ACTN4: variants seen among roughly 807,000 people sequenced by gnomAD.
ACTN4 encodes alpha-actinin-4.
ACTN4 carries 18 observed loss-of-function variants against 114.2 expected under a neutral mutation model. The observed-to-expected ratio is 0.16, with a 90% confidence interval of 0.11 to 0.23. The LOEUF (loss-of-function observed/expected upper bound fraction) is 0.23. ACTN4 is among the 10% of genes least tolerant of loss of function. The pLI is 1.00. For missense variants in ACTN4, 722 were observed against 1,262.9 expected (o/e 0.57, Z 6.49); for synonymous variants, 515 against 506.3 (o/e 1.02, Z -0.23).
intron 1 of ACTN4, among the ~76,000 whole-genome samples, chr19:38,688,411 A>C (rs1446561790): frequency 2.7e-5 from 4 of 148,592 alleles, no homozygotes; most frequent in African/African-American, 5.0e-5. Flanking sequence ...AAAAAAAAAA[A>C]CCCACAAAAA....
rs928104830 is a variant in ACTN4 at position 38,728,093 on chromosome 19, T to C, written c.2418+67T>C. On this transcript the variant is annotated intron_variant, in intron 19 of 20. Coordinates refer to ENST00000252699, the MANE Select transcript of ACTN4 (RefSeq NM_004924.6). ...TCTCTCTCTCTCTCTCCTTCTCTCT[T>C]TCTCCCCTCGCCATCCCACCCCTGC... The C allele has an allele frequency of 7.2e-6, 11 of 1,533,988 alleles. 1 individual carries two copies. The South Asian group carries it at 1.2e-4, about 17-fold the overall frequency.
intron 1 of ACTN4, among the ~76,000 whole-genome samples, chr19:38,649,569 A>G (rs1976497407): frequency 6.6e-6 from 1 of 152,128 alleles, no homozygotes; most frequent in African/African-American, 2.4e-5. Context: ...CCCTGCGGTG[A>G]TTCTGTTAAT....
In ACTN4 at chr19:38,731,538, G is replaced by A. The variant is rs1052800418; in HGVS notation, c.*2106G>A. ...CTGTGGGGCTTTCTCCTTGCCAGTG[G>A]GCACTGGAGGATATTTCTGTGCAGC... On this transcript the variant is annotated 3_prime_UTR_variant, in exon 21 of 21. Coordinates refer to ENST00000252699, the MANE Select transcript of ACTN4 (RefSeq NM_004924.6). 1.7e-5 allele frequency: 7 copies of A among 420,016 alleles called. No homozygotes were observed. The highest frequency in any genetic ancestry group is 3.1e-5 in the Non-Finnish European group (7 of 225,306). 26.0% of individuals were successfully genotyped at this position (420,016 alleles called of 1,614,324 possible).
intron 1 of ACTN4, among the ~76,000 whole-genome samples, chr19:38,660,470 A>G (rs1193695807): frequency 6.6e-6 from 1 of 150,850 alleles, no homozygotes; most frequent in African/African-American, 2.4e-5. Flanking sequence ...TTCTTGGCTC[A>G]CTGCAACCTC....
At chr19:38,721,852 T>C (rs2145082828) in intron 12 of ACTN4, 164 bp downstream of exon 12, 1 of 1,020,952 alleles carries the variant, frequency 9.8e-7, no homozygotes, top group East Asian at 2.6e-5. Context: ...CCTTATGGGA[T>C]GAGGCCTTTT....
In ACTN4 at chr19:38,725,608, C is replaced by T. The variant is rs376807963; in HGVS notation, c.2011-116C>T. On this transcript the variant is annotated intron_variant, in intron 16 of 20. Coordinates refer to ENST00000252699, the MANE Select transcript of ACTN4 (RefSeq NM_004924.6). ...TCCCAGGGACCCATGGGCCAAGGCC[C>T]CAGGCCAAAGGGGCCCCGGGGAAGA... 1.5e-3 allele frequency: 1,886 copies of T among 1,244,516 alleles called. 30 individuals carry two copies. In the South Asian group the frequency reaches 0.02, roughly 13 times the overall value. 77.1% of individuals were successfully genotyped at this position (1,244,516 alleles called of 1,614,324 possible). A position where few individuals can be genotyped will look rare whatever the true frequency, so the allele number is the denominator to read the frequency against.
chr19:38,681,694 G>C (rs116171661), intron 1 of ACTN4, among the ~76,000 whole-genome samples: 198 of 152,270 alleles, frequency 1.3e-3, no homozygotes, highest in African/African-American at 4.6e-3. Flanking sequence ...CTCTCTGACC[G>C]AGCTGTGCAC....
chr19:38,664,713 C>T (rs767034962), intron 1 of ACTN4, among the ~76,000 whole-genome samples: 9 of 152,158 alleles, frequency 5.9e-5, no homozygotes, highest in Non-Finnish European at 1.2e-4. Flanking sequence ...TTAGCACAGC[C>T]GGTTCCTATT....
Position 38,721,589 on chromosome 19 carries a change from A to G in ACTN4, c.1343A>G (p.Asp448Gly). ...HRDYETATLSDIKALIRKHEA... is the reference protein window; with the variant it reads ...HRDYETATLSGIKALIRKHEA... The stretch of plus-strand genomic sequence containing the variant: ...GACTACGAGACGGCCACACTATCGG[A>G]CATCAAAGCCCTCATTCGCAAGCAC... The change falls in exon 12 of 21, where the codon GAC becomes GGC. Residue 448 changes from aspartate to glycine, a missense_variant. Asp to Gly is a moderately conservative substitution (Grantham distance 94). This residue lies in a region of ACTN4 where 523 missense variants were observed against 875.9 expected (regional missense o/e 0.60). Transcript: ENST00000252699. 1 of 1,614,092 alleles carries G rather than the reference A, an allele frequency of 6.2e-7. No homozygotes were observed. Among genetic ancestry groups the G allele is most frequent in the Non-Finnish European group, 8.5e-7 (1 of 1,180,024 alleles).
At chr19:38,726,879 C>G (rs1011378258) in intron 17 of ACTN4, 78 bp from the exon 18 acceptor site, 4 of 1,594,382 alleles carry the variant, frequency 2.5e-6, no homozygotes, top group Admixed American at 1.7e-5. Context: ...GAGGACAGTT[C>G]ACAGTCCTCC....
Position 38,729,666 on chromosome 19 carries a change from A to AAAT in ACTN4, c.*236_*238dup. The AAAT allele has an allele frequency of 4.3e-6, 3 of 704,746 alleles. No homozygotes were observed. The highest frequency in any genetic ancestry group is 7.7e-6 in the Non-Finnish European group (3 of 391,440). 43.7% of individuals were successfully genotyped at this position (704,746 alleles called of 1,614,324 possible). On this transcript the variant is annotated 3_prime_UTR_variant, in exon 21 of 21. Coordinates refer to ENST00000252699, the MANE Select transcript of ACTN4 (RefSeq NM_004924.6). ...TTGGGGCCAGCGCTTCTGGTCTGGTAAATATGTATGATGTGTTGTGCTTTT... is the reference window on the plus strand; with the variant it reads ...TTGGGGCCAGCGCTTCTGGTCTGGTAAATAATATGTATGATGTGTTGTGCTTTT...
chr19:38,725,660 C>T (rs1969208256), intron 16 of ACTN4, 64 bp from the exon 17 acceptor site: 6 of 1,575,678 alleles, frequency 3.8e-6, no homozygotes, highest in Non-Finnish European at 5.2e-6. Flanking sequence ...GAGTGGGCTC[C>T]TCCAGGTGGT....
intron 1 of ACTN4, among the ~76,000 whole-genome samples, chr19:38,695,127 G>A (rs577732853): frequency 2.0e-5 from 3 of 152,284 alleles, no homozygotes; most frequent in African/African-American, 4.8e-5. Context: ...CTCCCGCCTC[G>A]GCCTCCTAAA....
intron 1 of ACTN4, among the ~76,000 whole-genome samples, chr19:38,676,978 A>G (rs1967396963): frequency 6.6e-6 from 1 of 152,050 alleles, no homozygotes; most frequent in Non-Finnish European, 1.5e-5. Flanking sequence ...GCCCTGCAGG[A>G]TCTGTTTTCT....
intron 1 of ACTN4, among the ~76,000 whole-genome samples, chr19:38,679,163 G>A (rs1423727181): frequency 2.6e-5 from 4 of 152,292 alleles, no homozygotes; most frequent in African/African-American, 9.6e-5. Flanking sequence ...TGGCCTGGGC[G>A]CAGTTTATGT....
intron 1 of ACTN4, among the ~76,000 whole-genome samples, chr19:38,690,467 T>A (rs1025681470): frequency 6.6e-6 from 1 of 152,218 alleles, no homozygotes; most frequent in African/African-American, 2.4e-5. Flanking sequence ...GGTTCCATGG[T>A]TCTCTTCCAT....
At chr19:38,706,956 G>A (rs981641894) in intron 5 of ACTN4, among the ~76,000 whole-genome samples, 25 of 152,204 alleles carry the variant, frequency 1.6e-4, no homozygotes, top group African/African-American at 6.0e-4. Context: ...GGCCTGCCTG[G>A]TGGTTGGGAG....
At chr19:38,686,965 CT>C (rs34122839) in intron 1 of ACTN4, among the ~76,000 whole-genome samples, 8,358 of 138,064 alleles carry the variant, frequency 0.061, 238 homozygotes, top group South Asian at 0.1. Flanking sequence ...GGCAGAGTCT[CT>C]TTTTTTTTTT....
At position 38,730,503 on chromosome 19, in the gene ACTN4, A is replaced by G. The variant is rs1043709606; in HGVS notation, c.*1071A>G. On this transcript the variant is annotated 3_prime_UTR_variant, in exon 21 of 21. Transcript: ENST00000252699. ...ATAAACCACCCTCTGGGGACAGGAT[A>G]ATAAAACATGTAATATTTTTAAGAA... 2 of 336,604 alleles carry G rather than the reference A, an allele frequency of 5.9e-6. No homozygotes were observed. 20.9% of individuals were successfully genotyped at this position (336,604 alleles called of 1,614,324 possible). A position where few individuals can be genotyped will look rare whatever the true frequency, so the allele number is the denominator to read the frequency against.
Sources: allele counts gnomAD v4.1 joint callset (sites outside exome capture counted in the v4.1 genomes callset), GRCh38; gene constraint gnomAD v4.1.1; regional missense constraint gnomAD v4.1.1; transcripts MANE v1.5; gene names NCBI Gene and HGNC (gene_info 2026-07-23, HGNC 2026-07-21).